The following TACC2 variants were observed in gnomAD, a reference collection of about 807,000 sequenced individuals.
The protein encoded by TACC2 is transforming acidic coiled-coil containing protein 2, also known as transforming acidic coiled-coil-containing protein 2.
Under a neutral mutation model 227.3 loss-of-function variants are expected in TACC2, and 137 were observed. That is an observed-to-expected ratio of 0.60 (90% CI 0.52 to 0.69). The LOEUF is 0.69. Among genes scored for constraint, TACC2 ranks in the 30% least tolerant of loss-of-function variants. TACC2 has a pLI of 0.00. For synonymous variants in TACC2, 1,523 were observed against 1,487.5 expected (o/e 1.02, Z -0.55); for missense variants, 3,470 against 3,694.4 (o/e 0.94, Z 1.57).
At chr10:122,015,095 TTCA>T (rs1284252041) in intron 1 of TACC2, among the ~76,000 whole-genome samples, 1 of 108,006 alleles carries the variant, frequency 9.3e-6, no homozygotes, top group Non-Finnish European at 1.8e-5. Context: ...GCTTTGGCAG[TTCA>T]TCTGCTATAA....
chr10:122,230,301 G>A (rs761631369), intron 15 of TACC2, 50 bp from the exon 16 acceptor site: 21 of 1,482,452 alleles, frequency 1.4e-5, no homozygotes, highest in African/African-American at 2.8e-5. Context: ...AACCATTGAC[G>A]TCTGTCTTGA....
Position 122,210,755 on chromosome 10 carries a change from A to G in TACC2, c.6330A>G (p.Pro2110=), listed in dbSNP as rs1279050241. The G allele has an allele frequency of 6.2e-7, 1 of 1,613,984 alleles. No homozygotes were observed. The highest frequency in any genetic ancestry group is 1.1e-5 in the South Asian group (1 of 91,064). The change falls in exon 9 of 23, where the codon CCA becomes CCG. Residue 2110 remains proline, a synonymous_variant. Coordinates refer to ENST00000369005, the MANE Select transcript of TACC2 (RefSeq NM_206862.4). This position sits in a 1 kb window ranked among gnomAD's most constrained non-coding sequence, Gnocchi z 4.6. ...SGNPEAVALA[P]DAYSTGSSSA... is the part of the protein sequence containing the mutation. ...ATCCCGAGGCCGTGGCCCTTGCCCC[A>G]GATGCATATAGCACGGGTTCCAGCA...
intron 3 of TACC2, among the ~76,000 whole-genome samples, chr10:122,074,962 C>T (rs2078601976): frequency 6.6e-6 from 1 of 152,080 alleles, no homozygotes; most frequent in South Asian, 2.1e-4. Flanking sequence ...CAGATCTTGA[C>T]AAGCCCTCAG....
rs906864557 is a variant in TACC2 at position 122,210,709 on chromosome 10, A to G, written c.6284A>G (p.Asp2095Gly). Residue 2095 changes from aspartate to glycine, a missense_variant, in exon 9 of 23, where the codon GAT becomes GGT. Asp to Gly is a moderately conservative substitution (Grantham distance 94). Around this residue, in one of 10 missense-constraint regions of TACC2, gnomAD observed 593 missense variants for 636.6 expected, o/e 0.93. Transcript: ENST00000369005. This position sits in a 1 kb window ranked among gnomAD's most constrained non-coding sequence, Gnocchi z 4.6. ...RSLSLQASDF[D>G]GASSSGNPEA... is the part of the protein sequence containing the mutation. ...CTCAGCCTGCAAGCCAGTGACTTTGATGGTGCTTCTTCCTCAGGCAATCCC... is the reference window on the plus strand; with the variant it reads ...CTCAGCCTGCAAGCCAGTGACTTTGGTGGTGCTTCTTCCTCAGGCAATCCC... The G allele has an allele frequency of 6.2e-7, 1 of 1,613,950 alleles. No individual in the cohort carries two copies. The highest frequency in any genetic ancestry group is 1.3e-5 in the African/African-American group (1 of 74,900).
intron 11 of TACC2, among the ~76,000 whole-genome samples, chr10:122,218,250 A>T (rs1402860768): frequency 6.6e-6 from 1 of 152,156 alleles, no homozygotes; most frequent in Non-Finnish European, 1.5e-5. Context: ...ACCGATTTCT[A>T]ACAGTTTTTT....
intron 5 of TACC2, among the ~76,000 whole-genome samples, chr10:122,108,900 A>AT (rs557945020): frequency 1.6e-3 from 240 of 151,616 alleles, no homozygotes; most frequent in Non-Finnish European, 2.6e-3. Context: ...CGCCTGGCTA[A>AT]TTTTTTGTAT....
chr10:122,039,294 C>T (rs150890480), intron 2 of TACC2, among the ~76,000 whole-genome samples: 50 of 152,232 alleles, frequency 3.3e-4, no homozygotes, highest in African/African-American at 1.2e-3. Context: ...TATTTTGAAA[C>T]CATGATCTTC....
rs1177668083 is a variant in TACC2, at chr10:122,209,518, A to T, written c.5972-879A>T. On this transcript the variant is annotated intron_variant, in intron 8 of 22. Transcript: ENST00000369005. This position sits in a 1 kb window ranked among gnomAD's most constrained non-coding sequence, Gnocchi z 4.5. ...ACTCGCACTATTCCTTCTACCCAGG[A>T]TGCTTCCTCCCCAGGAGTCCTCCTG... 6.6e-6 allele frequency among the ~76,000 whole-genome samples: 1 copy of T among 152,108 alleles called. No homozygotes were observed. Among genetic ancestry groups the T allele is most frequent in the Non-Finnish European group, 1.5e-5 (1 of 68,024 alleles).
Position 121,995,442 on chromosome 10 carries a change from C to T in TACC2, c.-46+5954C>T, listed in dbSNP as rs550755481. 1.0e-3 allele frequency among the ~76,000 whole-genome samples: 157 copies of T among 152,306 alleles called. 2 individuals are homozygous for T. Among genetic ancestry groups the T allele is most frequent in the African/African-American group, 3.6e-3 (149 of 41,570 alleles). On this transcript the variant is annotated intron_variant, in intron 1 of 22. Transcript: ENST00000369005. Reference sequence around the variant, plus strand: ...AACGCCCCGACCAAAAGCCTTTATCCCACTGACACCACTTATAATCTATTG... The same window carrying T: ...AACGCCCCGACCAAAAGCCTTTATCTCACTGACACCACTTATAATCTATTG...
rs756725061 is a variant in TACC2 at position 122,211,726 on chromosome 10, G to A, written c.7283+18G>A. 4 of 1,528,982 alleles carry A rather than the reference G, an allele frequency of 2.6e-6. No homozygotes were observed. The highest frequency in any genetic ancestry group is 1.8e-4 in the Middle Eastern group (1 of 5,656). The allele number at this position is 1,528,982 out of a possible 1,614,324, so 94.7% of individuals were successfully genotyped here. ...CTAAAGACGTAAGTTCAGGGGTGGA[G>A]GTGGTAAGGATCAGAGGCGGGGGTG... is the stretch of plus-strand genomic sequence containing the variant. On this transcript the variant is annotated intron_variant, in intron 9 of 22. Coordinates refer to ENST00000369005, the MANE Select transcript of TACC2 (RefSeq NM_206862.4).
chr10:122,091,990 G>A (rs566937615), intron 5 of TACC2, among the ~76,000 whole-genome samples: 14 of 152,364 alleles, frequency 9.2e-5, no homozygotes, highest in African/African-American at 3.1e-4. Flanking sequence ...TGCCATGAGG[G>A]TTAAATGAGA....
rs1272835424 is a variant in TACC2 at position 122,041,515 on chromosome 10, C to T, written c.34-8923C>T. Among the ~76,000 whole-genome samples the T allele has an allele frequency of 7.4e-5, 11 of 149,618 alleles. No individual in the cohort carries two copies. The Admixed American group carries it at 7.4e-4, about 10-fold the overall frequency. On this transcript the variant is annotated intron_variant, in intron 2 of 22. Transcript: ENST00000369005. ...AGGCTGGAATGCAATGGCGCGATCT[C>T]GGCTCACTACAATCTCCGCCTCCTG... is the stretch of plus-strand genomic sequence containing the variant.
intron 1 of TACC2, among the ~76,000 whole-genome samples, chr10:122,016,829 T>C (rs939618389): frequency 6.6e-6 from 1 of 152,164 alleles, no homozygotes; most frequent in Non-Finnish European, 1.5e-5. Flanking sequence ...TACCTTAGAA[T>C]GTGATTGCCT....
intron 6 of TACC2, among the ~76,000 whole-genome samples, chr10:122,142,469 G>A (rs1263624246): frequency 6.6e-6 from 1 of 152,230 alleles, no homozygotes; most frequent in African/African-American, 2.4e-5. Context: ...TGAGTCCTCT[G>A]TCCAGTGTAC....
chr10:122,161,126 A>G (rs759127213), intron 7 of TACC2, among the ~76,000 whole-genome samples: 15 of 152,048 alleles, frequency 9.9e-5, no homozygotes, highest in Non-Finnish European at 1.9e-4. Flanking sequence ...TGTAGAGACA[A>G]GGTCTCACTA....
intron 3 of TACC2, among the ~76,000 whole-genome samples, chr10:122,064,699 A>T (rs1178358544): frequency 1.3e-5 from 2 of 152,174 alleles, no homozygotes; most frequent in Non-Finnish European, 2.9e-5. Flanking sequence ...TCATTATGAT[A>T]TTAGTTTCAC....
chr10:122,253,343 T>C (rs911784), intron 22 of TACC2, among the ~76,000 whole-genome samples: 72,796 of 152,078 alleles, frequency 0.48, 18,287 homozygotes, highest in African/African-American at 0.62. Flanking sequence ...GATCGTCCCG[T>C]TGGATCCCCT....
intron 7 of TACC2, among the ~76,000 whole-genome samples, chr10:122,170,080 C>T (rs978621894): frequency 1.3e-5 from 2 of 152,078 alleles, no homozygotes; most frequent in Admixed American, 1.3e-4. Context: ...CATATCTCCT[C>T]TTGGATTTCT....
chr10:122,248,375 G>A lies in TACC2; in HGVS notation c.8393-268G>A, dbSNP rs547622754. 2.8e-5 allele frequency: 13 copies of A among 460,164 alleles called. No individual in the cohort carries two copies. The East Asian group carries it at 3.1e-4, about 11-fold the overall frequency. 28.5% of individuals were successfully genotyped at this position (460,164 alleles called of 1,614,324 possible). On this transcript the variant is annotated intron_variant, in intron 19 of 22. Coordinates refer to ENST00000369005, the MANE Select transcript of TACC2 (RefSeq NM_206862.4). Reference sequence around the variant, plus strand: ...ACCAATATAGACCTGTGAAGGGGCCGTACTGATCAGGTTAAGGAATAGTAA... The same window carrying A: ...ACCAATATAGACCTGTGAAGGGGCCATACTGATCAGGTTAAGGAATAGTAA...
Sources: allele counts gnomAD v4.1 joint callset (sites outside exome capture counted in the v4.1 genomes callset), GRCh38; gene constraint gnomAD v4.1.1; regional missense constraint gnomAD v4.1.1; non-coding constraint Gnocchi (gnomAD v3.1); transcripts MANE v1.5; gene names NCBI Gene and HGNC (gene_info 2026-07-23, HGNC 2026-07-21).